Variants in LRBA observed in about 807,000 individuals in gnomAD.
The protein encoded by LRBA is LPS responsive beige-like anchor protein.
In LRBA, 176 loss-of-function variants were observed where a neutral mutation model predicts 330.0. The observed-to-expected ratio is 0.53, with a 90% confidence interval of 0.47 to 0.60. LRBA has a LOEUF of 0.60. Among genes scored for constraint, LRBA ranks in the 20% least tolerant of loss-of-function variants. The probability of loss-of-function intolerance (pLI) is 0.00; values close to 1 mark genes in which losing one functional copy is unlikely to be tolerated. For synonymous variants in LRBA, 1,230 were observed against 1,193.0 expected (o/e 1.03, Z -0.64); for missense variants, 3,259 against 3,444.8 (o/e 0.95, Z 1.35).
chr4:150,489,303 T>TAC (rs1491090719), intron 41 of LRBA, among the ~76,000 whole-genome samples: 10 of 59,336 alleles, frequency 1.7e-4, no homozygotes, highest in South Asian at 1.3e-3. Context: ...TATAATATAT[T>TAC]ATATATAAGA....
chr4:150,758,836 A>C (rs1463611083), intron 35 of LRBA, among the ~76,000 whole-genome samples: 1 of 151,436 alleles, frequency 6.6e-6, no homozygotes, highest in East Asian at 1.9e-4. Context: ...CGGCCTCTCA[A>C]AGTGCTGGAA....
intron 35 of LRBA, among the ~76,000 whole-genome samples, chr4:150,755,999 T>C (rs1734239039): frequency 1.3e-5 from 2 of 150,104 alleles, no homozygotes; most frequent in African/African-American, 2.5e-5. Flanking sequence ...TGAGATGAGA[T>C]GGTGCCCCTG....
chr4:150,626,941 A>G (rs960533589), intron 37 of LRBA, among the ~76,000 whole-genome samples: 31 of 152,242 alleles, frequency 2.0e-4, no homozygotes, highest in Non-Finnish European at 1.5e-5. Context: ...CACTTCTTCT[A>G]AAATCATACA....
intron 34 of LRBA, among the ~76,000 whole-genome samples, chr4:150,793,061 CAA>C (rs1033545192): frequency 2.0e-5 from 3 of 150,734 alleles, no homozygotes; most frequent in Non-Finnish European, 4.4e-5. Context: ...GCCTGGGCGA[CAA>C]GAGCGAAACT....
intron 47 of LRBA, among the ~76,000 whole-genome samples, chr4:150,366,952 T>C (rs772257815): frequency 4.6e-5 from 7 of 152,160 alleles, no homozygotes; most frequent in Non-Finnish European, 8.8e-5. Context: ...GGCCTTCCCA[T>C]TCATTTTGAA....
intron 23 of LRBA, among the ~76,000 whole-genome samples, chr4:150,851,423 G>A (rs1417891416): frequency 2.0e-5 from 3 of 152,196 alleles, no homozygotes; most frequent in Non-Finnish European, 2.9e-5. Context: ...GGACAGAGGA[G>A]AAGGCTGTGC....
intron 2 of LRBA, among the ~76,000 whole-genome samples, chr4:150,932,791 C>T (rs965570108): frequency 6.6e-6 from 1 of 151,946 alleles, no homozygotes; most frequent in Non-Finnish European, 1.5e-5. Context: ...TGGCAGACAC[C>T]TTTAGCCCCA....
At chr4:150,725,519 A>G (rs1344380601) in intron 36 of LRBA, among the ~76,000 whole-genome samples, 3 of 152,198 alleles carry the variant, frequency 2.0e-5, no homozygotes, top group African/African-American at 4.8e-5. Context: ...AGATAAAAAG[A>G]CTTTCCCAGT....
chr4:150,879,288 G>A (rs1728105520), intron 17 of LRBA, among the ~76,000 whole-genome samples: 1 of 152,146 alleles, frequency 6.6e-6, no homozygotes, highest in Admixed American at 6.6e-5. Context: ...CCCAATAGAT[G>A]TGGAAAAAAC....
chr4:150,527,504 TA>T (rs1470716014), intron 40 of LRBA, among the ~76,000 whole-genome samples: 2 of 152,008 alleles, frequency 1.3e-5, no homozygotes, highest in Admixed American at 6.6e-5. Context: ...AAGGGACCAA[TA>T]AGACAAAGAA....
At position 150,861,082 on chromosome 4, in the gene LRBA, A is replaced by G. The variant is rs151046371; in HGVS notation, c.2766+6589T>C. On this transcript the variant is annotated intron_variant, in intron 22 of 56. Coordinates refer to ENST00000651943, the MANE Select transcript of LRBA (RefSeq NM_001364905.1). Reference sequence around the variant, plus strand: ...CACAATATATGTATTTGTGTTATCTATTTTTTTTAATGTTTTAATTTTTGT... The same window carrying G: ...CACAATATATGTATTTGTGTTATCTGTTTTTTTTAATGTTTTAATTTTTGT... 1.2e-3 allele frequency among the ~76,000 whole-genome samples: 181 copies of G among 151,864 alleles called. 2 individuals carry two copies. Among genetic ancestry groups the G allele is most frequent in the African/African-American group, 4.0e-3 (166 of 41,410 alleles).
At chr4:150,676,904 AT>A (rs1782607468) in intron 37 of LRBA, among the ~76,000 whole-genome samples, 1 of 152,164 alleles carries the variant, frequency 6.6e-6, no homozygotes, top group Admixed American at 6.5e-5. Flanking sequence ...AGAAACCAAA[AT>A]TCCCAAGTCT....
At chr4:150,503,409 C>G (rs1760574626) in intron 40 of LRBA, among the ~76,000 whole-genome samples, 1 of 152,192 alleles carries the variant, frequency 6.6e-6, no homozygotes, top group Non-Finnish European at 1.5e-5. Flanking sequence ...ATCCGCTGTT[C>G]TGCAGCCACC....
Position 150,867,846 on chromosome 4 carries a change from G to C in LRBA, c.2591C>G (p.Ser864Cys), listed in dbSNP as rs764463217. The C allele has an allele frequency of 1.2e-6, 2 of 1,609,730 alleles. No homozygotes were observed. Among genetic ancestry groups the C allele is most frequent in the Admixed American group, 1.7e-5 (1 of 59,526 alleles). The change falls in exon 22 of 57, where the codon TCT becomes TGT. Residue 864 changes from serine (S) to cysteine (C), a missense_variant. Ser to Cys is a moderately radical substitution (Grantham distance 112, BLOSUM62 -1). Transcript: ENST00000651943. ...RENRRSLLQC[S>C]VWQEWMLSLC... is the part of the protein sequence containing the mutation. ...AGAAAGCATCCATTCTTGCCACACAGAGCATTGTAGCAAGCTCCTGAAAAT... is the reference window on the plus strand; with the variant it reads ...AGAAAGCATCCATTCTTGCCACACACAGCATTGTAGCAAGCTCCTGAAAAT...
intron 2 of LRBA, among the ~76,000 whole-genome samples, chr4:150,943,455 G>T (rs1315070060): frequency 6.6e-6 from 1 of 152,102 alleles, no homozygotes; most frequent in Non-Finnish European, 1.5e-5. Context: ...ATTTGATGAT[G>T]TAACATATTT....
intron 25 of LRBA, 145 bp from the exon 26 acceptor site, chr4:150,849,143 T>C (rs1035921497): frequency 1.1e-5 from 7 of 621,292 alleles, no homozygotes; most frequent in Non-Finnish European, 1.9e-5. Context: ...TATTATTTCA[T>C]CTAAAAAGGG....
At chr4:150,266,528 T>C (rs1287891497) in intron 56 of LRBA, among the ~76,000 whole-genome samples, 1 of 152,198 alleles carries the variant, frequency 6.6e-6, no homozygotes, top group East Asian at 1.9e-4. Flanking sequence ...TCTGTGTAGT[T>C]TGGTTAGGAC....
chr4:150,549,493 G>A (rs1459279297), intron 40 of LRBA, among the ~76,000 whole-genome samples: 5 of 151,632 alleles, frequency 3.3e-5, no homozygotes, highest in Non-Finnish European at 7.4e-5. Context: ...CACCACGCCC[G>A]GCTAATTTTT....
intron 44 of LRBA, among the ~76,000 whole-genome samples, chr4:150,458,777 TA>T (rs1250083820): frequency 1.4e-5 from 2 of 141,150 alleles, no homozygotes; most frequent in Non-Finnish European, 3.2e-5. Flanking sequence ...TGAAAATATT[TA>T]TTCTAGTTTT....
Sources: gnomAD v4.1 joint callset for allele counts (sites outside exome capture counted in the v4.1 genomes callset) on GRCh38, gnomAD v4.1.1 for gene constraint, MANE v1.5 for transcripts, NCBI Gene and HGNC (gene_info 2026-07-23, HGNC 2026-07-21) for gene names.